Variants in NOVA1 observed in about 807,000 individuals in gnomAD.
The protein encoded by NOVA1 is RNA-binding protein Nova-1.
A neutral mutation model predicts 38.0 loss-of-function variants in NOVA1; 7 were observed. That is an observed-to-expected ratio of 0.18 (90% confidence interval 0.10 to 0.35). The LOEUF is 0.35. Among genes scored for constraint, NOVA1 ranks in the 10% least tolerant of loss-of-function variants. The pLI is 1.00. For missense variants in NOVA1, 460 were observed against 616.0 expected, an observed-to-expected ratio of 0.75 and a Z score of 2.68; for synonymous variants, 270 against 232.5, an observed-to-expected ratio of 1.16 and a Z score of -1.47.
chr14:26,570,819 CT>C (rs968272898), intron 2 of NOVA1, among the ~76,000 whole-genome samples: 9 of 152,096 alleles, frequency 5.9e-5, no homozygotes, highest in African/African-American at 2.2e-4. Context: ...TAATTCACCC[CT>C]AATAAAGTAT....
At chr14:26,450,145 A>C (rs905304626) in intron 4 of NOVA1, among the ~76,000 whole-genome samples, 3 of 152,172 alleles carry the variant, frequency 2.0e-5, no homozygotes, top group African/African-American at 7.2e-5. Context: ...AGGCTAAAAA[A>C]AGTGCTAAAA....
intron 2 of NOVA1, among the ~76,000 whole-genome samples, chr14:26,508,013 G>C (rs1200245359): frequency 6.6e-6 from 1 of 151,974 alleles, no homozygotes; most frequent in Non-Finnish European, 1.5e-5. Flanking sequence ...AGTAAAAAAA[G>C]TGATCTCTAA....
chr14:26,597,701 A>T lies in NOVA1; in HGVS notation c.-265T>A. ...GGAATGGAGGGGGTGTGAGAGACGG[A>T]GGGTGAAAGAAGAAGAAGAAAGGAG... is the stretch of plus-strand genomic sequence containing the variant. On this transcript the variant is annotated 5_prime_UTR_variant, in exon 1 of 5. Coordinates refer to ENST00000539517, the MANE Select transcript of NOVA1 (RefSeq NM_002515.3). The T allele has an allele frequency of 8.8e-7, 1 of 1,131,260 alleles. No homozygotes were observed. Among genetic ancestry groups the T allele is most frequent in the Non-Finnish European group, 1.1e-6 (1 of 927,728 alleles). 70.1% of individuals were successfully genotyped at this position (1,131,260 alleles called of 1,614,324 possible).
intron 2 of NOVA1, among the ~76,000 whole-genome samples, chr14:26,570,387 T>TA (rs59758061): frequency 1.1e-3 from 155 of 144,846 alleles, no homozygotes; most frequent in South Asian, 1.5e-3. Context: ...ACTATGAAAT[T>TA]AAAAAAAAAA....
At position 26,597,674 on chromosome 14, in the gene NOVA1, G is replaced by C. The variant is rs1195161628; in HGVS notation, c.-238C>G. On this transcript the variant is annotated 5_prime_UTR_variant, in exon 1 of 5. Transcript: ENST00000539517. Reference sequence around the variant, plus strand: ...GCAGTGCAGTGTCAGAAAGGAGACAGGGGAATGGAGGGGGTGTGAGAGACG... The same window carrying C: ...GCAGTGCAGTGTCAGAAAGGAGACACGGGAATGGAGGGGGTGTGAGAGACG... 1.7e-6 allele frequency: 2 copies of C among 1,191,636 alleles called. No individual in the cohort carries two copies. Among genetic ancestry groups the C allele is most frequent in the East Asian group, 3.6e-5 (1 of 27,912 alleles). The allele number at this position is 1,191,636 out of a possible 1,614,324, so 73.8% of individuals were successfully genotyped here. A position where few individuals can be genotyped will look rare whatever the true frequency, so the allele number is the denominator to read the frequency against.
Position 26,447,836 on chromosome 14 carries a change from C to T in NOVA1, c.*123G>A, listed in dbSNP as rs960210194. On this transcript the variant is annotated 3_prime_UTR_variant, in exon 5 of 5. Coordinates refer to ENST00000539517, the MANE Select transcript of NOVA1 (RefSeq NM_002515.3). ...TACATATACACATTGTCAACATAGT[C>T]GCATTCATTTGCATAATTATATATT... 22 of 690,682 alleles carry T rather than the reference C, an allele frequency of 3.2e-5. No individual in the cohort carries two copies. The highest frequency in any genetic ancestry group is 8.1e-4 in the Middle Eastern group (2 of 2,476). 42.8% of individuals were successfully genotyped at this position (690,682 alleles called of 1,614,324 possible).
At chr14:26,472,992 G>A (rs1405532643) in intron 3 of NOVA1, among the ~76,000 whole-genome samples, 3 of 151,684 alleles carry the variant, frequency 2.0e-5, no homozygotes, top group African/African-American at 4.8e-5. Flanking sequence ...TTTAAGGCCC[G>A]TCTGAAAATG....
At chr14:26,595,986 A>G in intron 1 of NOVA1, 1 of 351,194 alleles carries the variant, frequency 2.8e-6, no homozygotes, top group Non-Finnish European at 5.5e-6. Flanking sequence ...GTAAATAGTG[A>G]TGAGCTATAT....
rs1594392111 is a variant in NOVA1 at position 26,491,354 on chromosome 14, G to T, written c.281-11211C>A. Reference sequence around the variant, plus strand: ...ATATATTCTGGATATTAAAGTTATTGTATAAATTATTTTCAAACATTTTCT... The same window carrying T: ...ATATATTCTGGATATTAAAGTTATTTTATAAATTATTTTCAAACATTTTCT... On this transcript the variant is annotated intron_variant, in intron 2 of 4. Transcript: ENST00000539517. Among the ~76,000 whole-genome samples the T allele has an allele frequency of 5.3e-5, 8 of 152,130 alleles. 1 individual carries two copies. In the South Asian group the frequency reaches 1.7e-3, roughly 32 times the overall value.
chr14:26,452,628 G>T (rs1882799212), intron 4 of NOVA1, among the ~76,000 whole-genome samples: 1 of 152,186 alleles, frequency 6.6e-6, no homozygotes. Context: ...TGCTCTGGCT[G>T]AGAAAAATAC....
chr14:26,465,106 C>T (rs569437346), intron 4 of NOVA1, among the ~76,000 whole-genome samples: 5 of 152,150 alleles, frequency 3.3e-5, no homozygotes, highest in Non-Finnish European at 7.3e-5. Context: ...TTATATATTT[C>T]TGATGAACAT....
intron 1 of NOVA1, chr14:26,596,572 C>A: frequency 3.1e-6 from 4 of 1,289,136 alleles, no homozygotes; most frequent in Non-Finnish European, 3.0e-6. Flanking sequence ...GATAAATTCA[C>A]CTCTGCTTCG....
chr14:26,536,690 AT>A (rs1890121927), intron 2 of NOVA1, among the ~76,000 whole-genome samples: 1 of 152,140 alleles, frequency 6.6e-6, no homozygotes, highest in Non-Finnish European at 1.5e-5. Context: ...TAACCTTCAA[AT>A]AAGAAAAGTT....
intron 2 of NOVA1, among the ~76,000 whole-genome samples, chr14:26,547,720 T>C (rs188214121): frequency 4.3e-4 from 66 of 152,230 alleles, no homozygotes; most frequent in Middle Eastern, 6.8e-3. Flanking sequence ...TACTTACAAT[T>C]ACACTGTAGA....
intron 3 of NOVA1, among the ~76,000 whole-genome samples, chr14:26,478,229 C>T (rs904791230): frequency 4.6e-5 from 7 of 151,652 alleles, no homozygotes; most frequent in Admixed American, 6.6e-5. Flanking sequence ...TCTCATACTG[C>T]CATATAGCAA....
Position 26,584,891 on chromosome 14 carries a change from A to G in NOVA1, c.280+10519T>C, listed in dbSNP as rs565295215. ...ACTTGTAACCTGGTATCCATCTAAGATTTTAGGGCATTGTATACTTAGTTC... is the reference window on the plus strand; with the variant it reads ...ACTTGTAACCTGGTATCCATCTAAGGTTTTAGGGCATTGTATACTTAGTTC... On this transcript the variant is annotated intron_variant, in intron 2 of 4. Transcript: ENST00000539517. Among the ~76,000 whole-genome samples the G allele has an allele frequency of 3.3e-5, 5 of 151,496 alleles. No homozygotes were observed. The South Asian group carries it at 1.0e-3, about 31-fold the overall frequency.
At position 26,597,360 on chromosome 14, in the gene NOVA1, C is replaced by G; in HGVS notation, c.77G>C (p.Arg26Pro). Residue 26 changes from arginine (R) to proline (P), a missense_variant, in exon 1 of 5, where the codon CGG (arginine) becomes CCG (proline). Transcript: ENST00000539517. ...VPIDLDPPDS[R>P]KRPLEAPPEA... ...AGGGGGGGCTTCCAGCGGCCTTTTC[C>G]GCGAGTCCGGCGGGTCCAGGTCTAT... 7.8e-7 allele frequency: 1 copy of G among 1,274,442 alleles called. No individual in the cohort carries two copies. The highest frequency in any genetic ancestry group is 1.0e-6 in the Non-Finnish European group (1 of 1,002,596). 78.9% of individuals were successfully genotyped at this position (1,274,442 alleles called of 1,614,324 possible). A position where few individuals can be genotyped will look rare whatever the true frequency, so the allele number is the denominator to read the frequency against.
intron 4 of NOVA1, among the ~76,000 whole-genome samples, chr14:26,462,276 C>T (rs866609959): frequency 6.6e-6 from 1 of 151,978 alleles, no homozygotes; most frequent in Non-Finnish European, 1.5e-5. Flanking sequence ...ACCTACCCTT[C>T]AACTTTTGTA....
chr14:26,465,464 C>A lies in NOVA1; in HGVS notation c.519+6856G>T, dbSNP rs188090883. ...GGGATTACAGGCGTGAGCCACTGCACCCGGCCCTAATTTTTATATTTTGTT... is the reference window on the plus strand; with the variant it reads ...GGGATTACAGGCGTGAGCCACTGCAACCGGCCCTAATTTTTATATTTTGTT... On this transcript the variant is annotated intron_variant, in intron 4 of 4. Transcript: ENST00000539517. 4.6e-5 allele frequency among the ~76,000 whole-genome samples: 7 copies of A among 152,328 alleles called. No homozygotes were observed. In the East Asian group the frequency reaches 1.2e-3, roughly 25 times the overall value.
Sources: gnomAD v4.1 joint callset for allele counts (sites outside exome capture counted in the v4.1 genomes callset) on GRCh38, gnomAD v4.1.1 for gene constraint, MANE v1.5 for transcripts, NCBI Gene and HGNC (gene_info 2026-07-23, HGNC 2026-07-21) for gene names.